KCNG3: variants seen among roughly 807,000 people sequenced by gnomAD.
KCNG3 encodes potassium voltage-gated channel modifier subfamily G member 3, also known as voltage-gated potassium channel regulatory subunit KCNG3.
A neutral mutation model predicts 29.0 loss-of-function variants in KCNG3; 15 were observed. The ratio of observed to expected loss-of-function variants is 0.52; its 90% CI spans 0.35 to 0.80. KCNG3 has a LOEUF of 0.80. Among genes scored for constraint, KCNG3 ranks in the 30% least tolerant of loss-of-function variants. The pLI, the probability that KCNG3 is intolerant of heterozygous loss-of-function variation, is 0.01. For missense variants in KCNG3, 512 were observed against 605.7 expected, an observed-to-expected ratio of 0.85 and a Z score of 1.62; for synonymous variants, 322 against 248.9, an observed-to-expected ratio of 1.29 and a Z score of -2.76.
At chr2:42,468,954 C>CAA (rs61287684) in intron 1 of KCNG3, among the ~76,000 whole-genome samples, 43 of 57,114 alleles carry the variant, frequency 7.5e-4, no homozygotes, top group African/African-American at 2.7e-3. Context: ...ACTCCGTCTC[C>CAA]AAAAAAAAAA....
At chr2:42,482,439 A>C (rs541349063) in intron 1 of KCNG3, among the ~76,000 whole-genome samples, 1 of 152,304 alleles carries the variant, frequency 6.6e-6, no homozygotes, top group Admixed American at 6.5e-5. Context: ...TTAGCCAGGC[A>C]GTAGGCCAGA....
intron 1 of KCNG3, chr2:42,470,165 G>A (rs1209274702): frequency 2.4e-6 from 1 of 424,994 alleles, no homozygotes; most frequent in Non-Finnish European, 4.5e-6. Context: ...GATTCTGATA[G>A]AGCGTCAGAT....
intron 1 of KCNG3, among the ~76,000 whole-genome samples, chr2:42,451,353 G>A (rs894001096): frequency 5.3e-5 from 8 of 152,180 alleles, no homozygotes; most frequent in Middle Eastern, 3.4e-3. Context: ...TGAAGTGGGA[G>A]GACTGCTTGA....
intron 1 of KCNG3, among the ~76,000 whole-genome samples, chr2:42,457,627 T>TCACTCACA (rs1553327821): frequency 8.0e-6 from 1 of 125,434 alleles, no homozygotes; most frequent in Non-Finnish European, 1.7e-5. Flanking sequence ...CAGGCAGATC[T>TCACTCACA]CACACACACA....
At chr2:42,477,917 C>A (rs986817284) in intron 1 of KCNG3, among the ~76,000 whole-genome samples, 1 of 151,770 alleles carries the variant, frequency 6.6e-6, no homozygotes, top group African/African-American at 2.4e-5. Flanking sequence ...ACCTCTTTCA[C>A]GGGCATCCCA....
At chr2:42,490,206 TA>T (rs769316584) in intron 1 of KCNG3, among the ~76,000 whole-genome samples, 3 of 152,144 alleles carry the variant, frequency 2.0e-5, no homozygotes, top group South Asian at 2.1e-4. Flanking sequence ...CCTTTTATCT[TA>T]AAAAATCTCT....
chr2:42,483,128 T>A (rs1208251386), intron 1 of KCNG3, among the ~76,000 whole-genome samples: 2 of 151,932 alleles, frequency 1.3e-5, no homozygotes, highest in Non-Finnish European at 2.9e-5. Context: ...CTCAAAAAAA[T>A]AAAAATAAAA....
chr2:42,403,764 C>T, the KCNG3 span, among the ~76,000 whole-genome samples: 3 of 151,552 alleles, frequency 2.0e-5, no homozygotes, highest in Admixed American at 1.3e-4. Flanking sequence ...CGTGCCTGGC[C>T]TAATTTTTTA....
intron 1 of KCNG3, among the ~76,000 whole-genome samples, chr2:42,490,370 G>A (rs536803286): frequency 6.6e-6 from 1 of 152,244 alleles, no homozygotes; most frequent in African/African-American, 2.4e-5. Flanking sequence ...GAGGTCAGGA[G>A]TTCGAGACCA....
At position 42,444,711 on chromosome 2, in the gene KCNG3, C is replaced by A. The variant is rs534706974; in HGVS notation, c.666-132G>T. The A allele has an allele frequency of 3.9e-6, 3 of 760,038 alleles. No individual in the cohort carries two copies. In the East Asian group the frequency reaches 7.9e-5, roughly 20 times the overall value. 47.1% of individuals were successfully genotyped at this position (760,038 alleles called of 1,614,324 possible). A position where few individuals can be genotyped will look rare whatever the true frequency, so the allele number is the denominator to read the frequency against. On this transcript the variant is annotated intron_variant, in intron 1 of 1. Transcript: ENST00000306078. This position sits in a 1 kb window ranked among gnomAD's most constrained non-coding sequence, Gnocchi z 5.8. ...TCCAGAAAACATAAAGAACAGACAACATTAGCAACATCATCAGACCACCAG... is the reference window on the plus strand; with the variant it reads ...TCCAGAAAACATAAAGAACAGACAAAATTAGCAACATCATCAGACCACCAG...
In KCNG3 at chr2:42,443,881, A is replaced by G; in HGVS notation, c.*53T>C. The G allele has an allele frequency of 6.7e-7, 1 of 1,492,358 alleles. No individual in the cohort carries two copies. The highest frequency in any genetic ancestry group is 2.0e-5 in the Admixed American group (1 of 50,386). The allele number at this position is 1,492,358 out of a possible 1,614,324, so 92.4% of individuals were successfully genotyped here. A position where few individuals can be genotyped will look rare whatever the true frequency, so the allele number is the denominator to read the frequency against. ...CCCAGCAAGAAACACATAAATATGA[A>G]GCAGCATCAAAGTCTTTCTATGAAG... On this transcript the variant is annotated 3_prime_UTR_variant, in exon 2 of 2. Coordinates refer to ENST00000306078, the MANE Select transcript of KCNG3 (RefSeq NM_133329.6).
At chr2:42,441,653 T>G (rs542429212), downstream of KCNG3, among the ~76,000 whole-genome samples, 3 of 151,648 alleles carry the variant, frequency 2.0e-5, no homozygotes, top group East Asian at 5.8e-4. Flanking sequence ...ATTTCACACT[T>G]GTTACCTAAG....
intron 1 of KCNG3, among the ~76,000 whole-genome samples, chr2:42,475,527 G>A (rs902404860): frequency 2.0e-5 from 3 of 150,868 alleles, no homozygotes; most frequent in South Asian, 2.1e-4. Context: ...ACGGGATTTC[G>A]CCATGTTGGC....
chr2:42,418,016 A>AT, the KCNG3 span, among the ~76,000 whole-genome samples: 2 of 151,548 alleles, frequency 1.3e-5, no homozygotes, highest in Non-Finnish European at 2.9e-5. Flanking sequence ...AAATAAATAA[A>AT]ATATATATAT....
chr2:42,424,424 C>T, the KCNG3 span, among the ~76,000 whole-genome samples: 1 of 147,936 alleles, frequency 6.8e-6, no homozygotes, highest in Non-Finnish European at 1.5e-5. Context: ...GAAAATTCCC[C>T]CTCCGTCCCT....
At chr2:42,440,399 G>C (rs897238821), downstream of KCNG3, 1 of 151,250 alleles carries the variant, frequency 6.6e-6, no homozygotes, top group African/African-American at 2.4e-5. Flanking sequence ...AAGAGGTGAA[G>C]TGGACAGAAG....
chr2:42,430,078 A>G, the KCNG3 span, among the ~76,000 whole-genome samples: 1 of 152,288 alleles, frequency 6.6e-6, no homozygotes, highest in Non-Finnish European at 1.5e-5. Context: ...AAGGTAACCA[A>G]CTAGGGGGGC....
chr2:42,399,182 G>A, the KCNG3 span, among the ~76,000 whole-genome samples: 8 of 150,166 alleles, frequency 5.3e-5, no homozygotes, highest in Admixed American at 1.3e-4. Context: ...TCAGGTTTCC[G>A]AGTAGCTGGG....
intron 1 of KCNG3, among the ~76,000 whole-genome samples, chr2:42,459,925 G>A (rs1391823321): frequency 1.3e-5 from 2 of 150,388 alleles, no homozygotes; most frequent in African/African-American, 2.5e-5. Flanking sequence ...GCAGGGAGCC[G>A]AGATTGCACC....
Sources: gnomAD v4.1 joint callset for allele counts (sites outside exome capture counted in the v4.1 genomes callset) on GRCh38, gnomAD v4.1.1 for gene constraint, Gnocchi (gnomAD v3.1) non-coding constraint, MANE v1.5 for transcripts, NCBI Gene and HGNC (gene_info 2026-07-23, HGNC 2026-07-21) for gene names.